SPEF2: variants seen among roughly 807,000 people sequenced by gnomAD.
SPEF2 encodes sperm flagellar and cilia associated 2, also known as sperm flagella and cilia-associated protein 2.
SPEF2 carries 187 observed loss-of-function variants against 224.6 expected under a neutral mutation model. That is an observed-to-expected ratio of 0.83 (90% CI 0.74 to 0.94). The LOEUF (loss-of-function observed/expected upper bound fraction) is 0.94. Among genes scored for constraint, SPEF2 ranks in the 40% least tolerant of loss-of-function variants. The pLI is 0.00. For synonymous variants in SPEF2, 715 were observed against 707.3 expected (o/e 1.01, Z -0.17); for missense variants, 2,170 against 2,135.6 (o/e 1.02, Z -0.32).
intron 16 of SPEF2, 95 bp from the exon 17 acceptor site, chr5:35,704,459 C>T (rs1023637077): frequency 5.7e-6 from 4 of 698,746 alleles, no homozygotes; most frequent in Non-Finnish European, 7.4e-6. Flanking sequence ...AAATACAGGA[C>T]CGTATCTGTT....
chr5:35,679,190 G>GTA (rs1257032661), intron 10 of SPEF2, among the ~76,000 whole-genome samples: 1 of 152,174 alleles, frequency 6.6e-6, no homozygotes, highest in African/African-American at 2.4e-5. Flanking sequence ...TACTTCTGTA[G>GTA]TATTTTATTC....
At chr5:35,646,245 G>A (rs1488546856) in intron 4 of SPEF2, among the ~76,000 whole-genome samples, 1 of 152,042 alleles carries the variant, frequency 6.6e-6, no homozygotes, top group African/African-American at 2.4e-5. Context: ...GGTTTCGCAG[G>A]AGCCCTCCTA....
intron 29 of SPEF2, among the ~76,000 whole-genome samples, chr5:35,777,838 G>T (rs960349886): frequency 6.6e-6 from 1 of 151,914 alleles, no homozygotes; most frequent in African/African-American, 2.4e-5. Context: ...GTATCCTGAT[G>T]CCCAGTAAAG....
chr5:35,763,507 G>T lies in SPEF2; in HGVS notation c.3621-15G>T, dbSNP rs1554052277. ...GCAAAATTTTTTATCCTTTTTGCTT[G>T]TTTGTTTCTCAAAGAATTCCTCTAG... On this transcript the variant is annotated splice_polypyrimidine_tract_variant and intron_variant, in intron 25 of 36. Coordinates refer to ENST00000356031, the MANE Select transcript of SPEF2 (RefSeq NM_024867.4). 1.3e-6 allele frequency: 2 copies of T among 1,531,674 alleles called. No homozygotes were observed. The highest frequency in any genetic ancestry group is 2.3e-5 in the Admixed American group (1 of 43,724). 94.9% of individuals were successfully genotyped at this position (1,531,674 alleles called of 1,614,324 possible).
Position 35,646,687 on chromosome 5 carries a change from A to G in SPEF2, c.606A>G (p.Arg202=). The G allele has an allele frequency of 1.2e-6, 2 of 1,613,798 alleles. No individual in the cohort carries two copies. Among genetic ancestry groups the G allele is most frequent in the Non-Finnish European group, 1.7e-6 (2 of 1,179,844 alleles). The change falls in exon 5 of 37, where the codon CGA becomes CGG. Residue 202 remains arginine (R), a synonymous_variant. Coordinates refer to ENST00000356031, the MANE Select transcript of SPEF2 (RefSeq NM_024867.4). ...DIEKQYLNRR[R]QNEIMAKIQA... The stretch of plus-strand genomic sequence containing the variant: ...TTCAGCAATACTTAAACAGAAGACG[A>G]CAAAATGAAATAATGGCCAAAATCC...
intron 23 of SPEF2, among the ~76,000 whole-genome samples, chr5:35,751,060 T>C (rs1372279457): frequency 3.2e-5 from 1 of 31,332 alleles, no homozygotes; most frequent in Non-Finnish European, 7.9e-5. Context: ...TATATACGTA[T>C]ATATATGTAT....
chr5:35,663,892 C>A (rs555303997), intron 8 of SPEF2, among the ~76,000 whole-genome samples: 3 of 152,252 alleles, frequency 2.0e-5, no homozygotes, highest in Admixed American at 2.0e-4. Context: ...ATGCTACCCT[C>A]AGTGGCACAG....
At chr5:35,723,605 C>T (rs1744150863) in intron 20 of SPEF2, among the ~76,000 whole-genome samples, 1 of 152,102 alleles carries the variant, frequency 6.6e-6, no homozygotes, top group African/African-American at 2.4e-5. Context: ...CAATAAAAAA[C>T]ATGTTTATAA....
chr5:35,667,387 G>A, intron 9 of SPEF2, 128 bp downstream of exon 9: 4 of 820,428 alleles, frequency 4.9e-6, no homozygotes, highest in Non-Finnish European at 7.1e-6. Flanking sequence ...TAAAAGGTGG[G>A]GTCCAGGAGA....
intron 29 of SPEF2, among the ~76,000 whole-genome samples, chr5:35,776,812 C>T (rs1561347803): frequency 6.6e-6 from 1 of 152,160 alleles, no homozygotes; most frequent in Non-Finnish European, 1.5e-5. Context: ...GAATGTTTTA[C>T]CAGCTAGACT....
chr5:35,669,338 T>C (rs891521341), intron 9 of SPEF2, among the ~76,000 whole-genome samples: 4 of 152,096 alleles, frequency 2.6e-5, no homozygotes, highest in African/African-American at 9.7e-5. Flanking sequence ...TGAAACCATT[T>C]TCCCATCACT....
chr5:35,751,094 C>CATATATATATATATAT (rs1442886154), intron 23 of SPEF2, among the ~76,000 whole-genome samples: 8 of 20,878 alleles, frequency 3.8e-4, no homozygotes, highest in South Asian at 3.0e-3. Context: ...CACACACACA[C>CATATATATATATATAT]ACATATATAT....
At chr5:35,687,764 G>T (rs1366296881) in intron 10 of SPEF2, among the ~76,000 whole-genome samples, 2 of 152,044 alleles carry the variant, frequency 1.3e-5, no homozygotes, top group Admixed American at 1.3e-4. Context: ...ATTTGGAGGA[G>T]AATTAAATGG....
intron 36 of SPEF2, chr5:35,807,854 T>A: frequency 6.6e-7 from 1 of 1,504,272 alleles, no homozygotes; most frequent in Non-Finnish European, 8.9e-7. Flanking sequence ...CTATGGCGAG[T>A]CCCAGGCCTT....
rs151261391 is a variant in SPEF2, at chr5:35,763,645, C to G, written c.3744C>G (p.Ala1248=). 5.6e-6 allele frequency: 9 copies of G among 1,613,650 alleles called. No homozygotes were observed. The African/African-American group carries it at 6.7e-5, about 12-fold the overall frequency. ...AAAACGTTGAGTCCAACTTTGAGGC[C>G]GATGAAAAGTTGGTCATGGACACCT... ...SLENVESNFE[A]DEKLVMDTWQ... Residue 1248 remains alanine, a synonymous_variant, in exon 26 of 37, where the codon GCC becomes GCG. Coordinates refer to ENST00000356031, the MANE Select transcript of SPEF2 (RefSeq NM_024867.4).
chr5:35,745,470 T>C (rs1278941114), intron 23 of SPEF2, among the ~76,000 whole-genome samples: 1 of 152,100 alleles, frequency 6.6e-6, no homozygotes, highest in Non-Finnish European at 1.5e-5. Context: ...GACTCGGGGC[T>C]GTTGGCAGAG....
At chr5:35,634,441 G>A (rs116288649) in intron 2 of SPEF2, among the ~76,000 whole-genome samples, 2,979 of 152,078 alleles carry the variant, frequency 0.02, 56 homozygotes, top group South Asian at 0.066. Flanking sequence ...CTCTGTCTTT[G>A]TCTTTCAACA....
chr5:35,751,024 CGTATATATATACACATATGT>C (rs1749387623), intron 23 of SPEF2, among the ~76,000 whole-genome samples: 2 of 85,690 alleles, frequency 2.3e-5, no homozygotes, highest in Admixed American at 1.3e-4. Context: ...TATATATATA[CGTATATATATACACATATGT>C]ATATATATAT....
intron 1 of SPEF2, among the ~76,000 whole-genome samples, chr5:35,618,644 CAAATTTTAGT>C (rs1210851496): frequency 6.6e-6 from 1 of 152,120 alleles, no homozygotes; most frequent in Non-Finnish European, 1.5e-5. Context: ...TTAACATTTA[CAAATTTTAGT>C]AAATTTTAAG....
Sources: allele counts gnomAD v4.1 joint callset (sites outside exome capture counted in the v4.1 genomes callset), GRCh38; gene constraint gnomAD v4.1.1; transcripts MANE v1.5; gene names NCBI Gene and HGNC (gene_info 2026-07-23, HGNC 2026-07-21).